FGF13: variants seen among roughly 807,000 people sequenced by gnomAD.
The protein encoded by FGF13 is fibroblast growth factor 13, also known as fibroblast growth factor homologous factor 2.
In FGF13, 2 loss-of-function variants were observed where a neutral mutation model predicts 19.5. The observed-to-expected ratio is 0.10, with a 90% CI of 0.04 to 0.32. The LOEUF is 0.32. FGF13 is among the 10% of genes least tolerant of loss of function. The pLI is 1.00. For missense variants in FGF13, 113 were observed against 192.7 expected (o/e 0.59, Z 2.45); for synonymous variants, 72 against 76.9 (o/e 0.94, Z 0.33).
At chrX:138,947,406 T>C (rs2091787097) in intron 1 of FGF13, among the ~76,000 whole-genome samples, 2 of 112,076 alleles carry the variant, frequency 1.8e-5, no homozygotes, top group Non-Finnish European at 3.8e-5. Flanking sequence ...TTTTATGCCT[T>C]TGAGCAAATC....
chrX:138,848,835 T>C (rs1184184218), intron 3 of FGF13, among the ~76,000 whole-genome samples: 1 of 111,608 alleles, frequency 9.0e-6, no homozygotes, highest in Non-Finnish European at 1.9e-5. Context: ...AACATAGCAC[T>C]AGTCTGTGAA....
rs182339703 is a variant in FGF13 at position 139,070,512 on chromosome X, G to A, written c.-113+132904C>T. 2.9e-4 allele frequency among the ~76,000 whole-genome samples: 33 copies of A among 112,316 alleles called. 1 individual carries two copies. The highest frequency in any genetic ancestry group is 1.1e-3 in the African/African-American group (33 of 30,959). On this transcript the variant is annotated intron_variant, in intron 1 of 2. Coordinates refer to the FGF13 transcript ENST00000421460. ...GGAGAGGATGTGAAGAAATAGGAATGCTTTTACACTGTTGGTGGGAGTGTA... is the reference window on the plus strand; with the variant it reads ...GGAGAGGATGTGAAGAAATAGGAATACTTTTACACTGTTGGTGGGAGTGTA...
chrX:139,065,324 T>A (rs775548397), intron 1 of FGF13, among the ~76,000 whole-genome samples: 1 of 109,726 alleles, frequency 9.1e-6, no homozygotes, highest in South Asian at 4.0e-4. Flanking sequence ...TAAATGTAAA[T>A]GGGCTAAATG....
chrX:138,869,044 A>G (rs970784409), intron 1 of FGF13, among the ~76,000 whole-genome samples: 4 of 111,565 alleles, frequency 3.6e-5, no homozygotes, highest in Non-Finnish European at 7.5e-5. Context: ...CCATCTTTCC[A>G]TAACCACCCC....
chrX:138,965,783 CA>C (rs960372645), intron 1 of FGF13, among the ~76,000 whole-genome samples: 6 of 112,116 alleles, frequency 5.4e-5, no homozygotes, highest in African/African-American at 1.6e-4. Context: ...CTACACAGGC[CA>C]AACACCCATG....
intron 3 of FGF13, among the ~76,000 whole-genome samples, chrX:138,649,000 C>G (rs1459732688): frequency 8.9e-6 from 1 of 111,999 alleles, no homozygotes; most frequent in Non-Finnish European, 1.9e-5. Context: ...GAAGAAAAAT[C>G]TATATTGGCA....
At chrX:139,141,418 G>A (rs752612045) in intron 1 of FGF13, among the ~76,000 whole-genome samples, 2 of 112,032 alleles carry the variant, frequency 1.8e-5, no homozygotes, top group Admixed American at 9.4e-5. Context: ...ATTGAATCAT[G>A]TCACCCTAGG....
At chrX:138,859,637 C>G (rs146950436) in intron 2 of FGF13, among the ~76,000 whole-genome samples, 1 of 112,147 alleles carries the variant, frequency 8.9e-6, no homozygotes, top group Non-Finnish European at 1.9e-5. Flanking sequence ...ATCAGCTTTT[C>G]CCAGCTGGTC....
At chrX:138,733,833 C>T (rs1271783691) in intron 1 of FGF13, among the ~76,000 whole-genome samples, 1 of 109,143 alleles carries the variant, frequency 9.2e-6, no homozygotes, top group African/African-American at 3.3e-5. Context: ...GACTGTTTAA[C>T]AAGGATCAAG....
intron 1 of FGF13, among the ~76,000 whole-genome samples, chrX:138,921,917 C>T (rs1027512578): frequency 1.1e-5 from 1 of 91,724 alleles, no homozygotes; most frequent in Non-Finnish European, 2.2e-5. Flanking sequence ...AGACAGAACT[C>T]GCAAACATAA....
At chrX:138,647,282 AAT>A (rs887665809) in intron 3 of FGF13, among the ~76,000 whole-genome samples, 1 of 110,732 alleles carries the variant, frequency 9.0e-6, no homozygotes, top group African/African-American at 3.3e-5. Context: ...GGTGCAAAGA[AAT>A]CCTGTGAAAG....
intron 1 of FGF13, among the ~76,000 whole-genome samples, chrX:138,921,935 A>C (rs762473398): frequency 1.9e-5 from 2 of 103,752 alleles, no homozygotes; most frequent in South Asian, 9.6e-4. Flanking sequence ...TAAAACAATC[A>C]GAAGAATAGG....
intron 1 of FGF13, among the ~76,000 whole-genome samples, chrX:139,160,653 A>G (rs1324032694): frequency 8.9e-6 from 1 of 112,148 alleles, no homozygotes; most frequent in Non-Finnish European, 1.9e-5. Context: ...ATAAAAAATG[A>G]TAAACGGGAT....
chrX:138,961,063 G>T (rs1043929103), intron 1 of FGF13, among the ~76,000 whole-genome samples: 5 of 111,251 alleles, frequency 4.5e-5, no homozygotes, highest in Non-Finnish European at 1.9e-5. Flanking sequence ...CTGGTGAGGA[G>T]CTGCAATCCT....
upstream of FGF13, chrX:139,204,168 G>A: frequency 3.7e-6 from 4 of 1,081,416 alleles, no homozygotes; most frequent in Non-Finnish European, 5.1e-6. Flanking sequence ...GAGCGGGTCG[G>A]ACTTGGGAGA....
At chrX:138,963,214 G>A (rs896830710) in intron 1 of FGF13, among the ~76,000 whole-genome samples, 3 of 112,933 alleles carry the variant, frequency 2.7e-5, no homozygotes, top group Admixed American at 9.3e-5. Flanking sequence ...CTGTTAGAAC[G>A]CCACTCCTGG....
chrX:139,117,307 C>CA (rs1379398111), intron 1 of FGF13, among the ~76,000 whole-genome samples: 3 of 111,400 alleles, frequency 2.7e-5, no homozygotes, highest in East Asian at 5.7e-4. Flanking sequence ...TCCTACACAG[C>CA]AAAAAAATTA....
At chrX:139,153,966 A>G (rs1282744858) in intron 1 of FGF13, among the ~76,000 whole-genome samples, 1 of 111,659 alleles carries the variant, frequency 9.0e-6, no homozygotes, top group Non-Finnish European at 1.9e-5. Context: ...GAGTCCTACT[A>G]ATACTTGGAT....
At chrX:139,079,336 AGACGG>A (rs756976886) in intron 1 of FGF13, among the ~76,000 whole-genome samples, 14 of 111,372 alleles carry the variant, frequency 1.3e-4, no homozygotes, top group Non-Finnish European at 2.1e-4. Flanking sequence ...CAGGGGCAAG[AGACGG>A]GATCACAATA....
Sources: gnomAD v4.1 joint callset for allele counts (sites outside exome capture counted in the v4.1 genomes callset) on GRCh38, gnomAD v4.1.1 for gene constraint, MANE v1.5 for transcripts, NCBI Gene and HGNC (gene_info 2026-07-23, HGNC 2026-07-21) for gene names.